The following NEK4 variants were observed in gnomAD, a reference collection of about 807,000 sequenced individuals.
The protein encoded by NEK4 is NIMA related kinase 4, also known as serine/threonine-protein kinase Nek4.
NEK4 carries 86 observed loss-of-function variants against 98.4 expected under a neutral mutation model. The observed-to-expected ratio is 0.87, with a 90% CI of 0.73 to 1.05. The LOEUF is 1.05. Among genes scored for constraint, NEK4 ranks in the 50% least tolerant of loss-of-function variants. NEK4 has a pLI of 0.00. For missense variants in NEK4, 898 were observed against 950.3 expected, an observed-to-expected ratio of 0.94 and a Z score of 0.72; for synonymous variants, 328 against 342.2, an observed-to-expected ratio of 0.96 and a Z score of 0.46.
chr3:52,741,633 C>A (rs962834337), intron 12 of NEK4, 134 bp from the exon 13 acceptor site: 1 of 529,190 alleles, frequency 1.9e-6, no homozygotes, highest in Non-Finnish European at 3.3e-6. Context: ...CTAACAAATA[C>A]AAAAATTGTT....
At chr3:52,761,855 C>T (rs964701680) in intron 5 of NEK4, among the ~76,000 whole-genome samples, 2 of 152,142 alleles carry the variant, frequency 1.3e-5, no homozygotes, top group African/African-American at 4.8e-5. Context: ...GAGAGTAAAA[C>T]TGATTGGTAC....
intron 15 of NEK4, among the ~76,000 whole-genome samples, chr3:52,717,680 T>C (rs1219839181): frequency 6.6e-6 from 1 of 152,108 alleles, no homozygotes; most frequent in South Asian, 2.1e-4. Flanking sequence ...ACCAAATCTC[T>C]TCCTAAATGA....
chr3:52,740,164 C>A (rs1386715364), intron 13 of NEK4, among the ~76,000 whole-genome samples: 1 of 152,020 alleles, frequency 6.6e-6, no homozygotes, highest in Non-Finnish European at 1.5e-5. Flanking sequence ...TCAAAAATAA[C>A]CAGATGGGCA....
chr3:52,734,487 A>G (rs967779418), intron 15 of NEK4, among the ~76,000 whole-genome samples: 8 of 148,474 alleles, frequency 5.4e-5, no homozygotes, highest in Non-Finnish European at 1.0e-4. Context: ...ATCCTGGCCA[A>G]CATGGTGAAA....
intron 15 of NEK4, among the ~76,000 whole-genome samples, chr3:52,735,950 A>C (rs76418710): frequency 0.04 from 6,031 of 152,312 alleles, 403 homozygotes; most frequent in African/African-American, 0.14. Context: ...TAAAAATTGG[A>C]ATCTAAAGTG....
intron 15 of NEK4, among the ~76,000 whole-genome samples, chr3:52,726,583 A>G (rs2097364787): frequency 7.0e-6 from 1 of 143,846 alleles, no homozygotes; most frequent in Non-Finnish European, 1.5e-5. Context: ...TGGGCAACAG[A>G]GCAAGACTCC....
chr3:52,761,439 C>T (rs373746013), intron 5 of NEK4, among the ~76,000 whole-genome samples: 70 of 152,114 alleles, frequency 4.6e-4, no homozygotes, highest in African/African-American at 1.5e-3. Flanking sequence ...CCACCACGCC[C>T]GGCTAATTTT....
At chr3:52,736,587 TAAAA>T (rs546567809) in intron 15 of NEK4, among the ~76,000 whole-genome samples, 3 of 119,140 alleles carry the variant, frequency 2.5e-5, no homozygotes, top group Non-Finnish European at 3.6e-5. Flanking sequence ...CTCCGTCTCA[TAAAA>T]AAAAAAAAAA....
chr3:52,712,588 C>T (rs999245270), intron 15 of NEK4, among the ~76,000 whole-genome samples: 1 of 152,218 alleles, frequency 6.6e-6, no homozygotes, highest in Non-Finnish European at 1.5e-5. Context: ...AATCAGATCA[C>T]ACGTGGGCTT....
At chr3:52,716,220 C>G (rs2097355044) in intron 15 of NEK4, among the ~76,000 whole-genome samples, 1 of 152,138 alleles carries the variant, frequency 6.6e-6, no homozygotes, top group Non-Finnish European at 1.5e-5. Flanking sequence ...AGGCCATGGA[C>G]AGAACAAGCC....
chr3:52,755,666 T>C (rs2097414016), intron 6 of NEK4, among the ~76,000 whole-genome samples: 1 of 151,444 alleles, frequency 6.6e-6, no homozygotes, highest in Admixed American at 6.6e-5. Context: ...TTCTAGTCAA[T>C]ATAGTACTAG....
Position 52,737,586 on chromosome 3 carries a change from C to T in NEK4, c.2433G>A (p.Glu811=), listed in dbSNP as rs752678988. The part of the protein sequence containing the change: ...LLEEEDEFDR[E]VRLREHMGEK... ...TTGATACAGTTAATGAGACACTCAC[C>T]TCTCTATCAAATTCATCCTCCTCCT... is the stretch of plus-strand genomic sequence containing the variant. Residue 811 remains glutamate (E), a splice_region_variant and synonymous_variant, in exon 15 of 16, where the codon GAG becomes GAA. Coordinates refer to ENST00000233027, the MANE Select transcript of NEK4 (RefSeq NM_003157.6). The T allele has an allele frequency of 2.5e-6, 4 of 1,613,518 alleles. No individual in the cohort carries two copies. Among genetic ancestry groups the T allele is most frequent in the Non-Finnish European group, 2.5e-6 (3 of 1,179,760 alleles).
In NEK4 at chr3:52,710,972, C is replaced by T. The variant is rs1356233843; in HGVS notation, c.*805G>A. 2.0e-5 allele frequency: 3 copies of T among 152,546 alleles called. No individual in the cohort carries two copies. Among genetic ancestry groups the T allele is most frequent in the Admixed American group, 6.6e-5 (1 of 15,262 alleles). 9.4% of individuals were successfully genotyped at this position (152,546 alleles called of 1,614,324 possible). A position where few individuals can be genotyped will look rare whatever the true frequency, so the allele number is the denominator to read the frequency against. ...GAAAGACAACTAATATCTTACAGTA[C>T]ATGAAGACAAACTTCAGGAGACAAA... On this transcript the variant is annotated 3_prime_UTR_variant, in exon 16 of 16. Coordinates refer to ENST00000233027, the MANE Select transcript of NEK4 (RefSeq NM_003157.6).
chr3:52,717,834 G>C (rs1026108628), intron 15 of NEK4, among the ~76,000 whole-genome samples: 5 of 151,958 alleles, frequency 3.3e-5, no homozygotes, highest in Non-Finnish European at 4.4e-5. Flanking sequence ...CTGTCATCCA[G>C]GCTGGAGTGC....
In NEK4 at chr3:52,739,589, A is replaced by G; in HGVS notation, c.2139T>C (p.Thr713=). The G allele has an allele frequency of 3.7e-6, 6 of 1,614,138 alleles. No homozygotes were observed. Among genetic ancestry groups the G allele is most frequent in the Non-Finnish European group, 5.1e-6 (6 of 1,180,022 alleles). ...NEINALVQLM[T]QTLKLDSKES... ...CTTTAGAATCCAGTTTCAGGGTCTGAGTCATCAATTGTACCAAGGCATTAA... is the reference window on the plus strand; with the variant it reads ...CTTTAGAATCCAGTTTCAGGGTCTGGGTCATCAATTGTACCAAGGCATTAA... Residue 713 remains threonine, a synonymous_variant, in exon 14 of 16, where the codon ACT becomes ACC. Transcript: ENST00000233027.
chr3:52,727,210 G>A (rs2097365399), intron 15 of NEK4, among the ~76,000 whole-genome samples: 1 of 152,072 alleles, frequency 6.6e-6, no homozygotes, highest in African/African-American at 2.4e-5. Flanking sequence ...CTGACCTTGG[G>A]TGATCCACCA....
chr3:52,756,002 A>G (rs921054158), intron 6 of NEK4, among the ~76,000 whole-genome samples: 27 of 152,240 alleles, frequency 1.8e-4, no homozygotes, highest in Admixed American at 9.2e-4. Flanking sequence ...GGACTTACAT[A>G]GTGAAATCTA....
chr3:52,719,171 A>C (rs914800065), intron 15 of NEK4, among the ~76,000 whole-genome samples: 1 of 152,208 alleles, frequency 6.6e-6, no homozygotes, highest in Non-Finnish European at 1.5e-5. Context: ...TTTATACCAG[A>C]CCTTGCTCTT....
Position 52,724,710 on chromosome 3 carries a change from G to C in NEK4, c.2434-12841C>G, listed in dbSNP as rs141556445. Among the ~76,000 whole-genome samples the C allele has an allele frequency of 5.5e-3, 832 of 152,300 alleles. 13 individuals are homozygous for C. In the South Asian group the frequency reaches 0.067, roughly 12 times the overall value. ...TGTTGGTCAAAGGGTACAAGGTTCA[G>C]TTATACAGCAGGAGTTAAGTATTTT... On this transcript the variant is annotated intron_variant, in intron 15 of 15. Coordinates refer to ENST00000233027, the MANE Select transcript of NEK4 (RefSeq NM_003157.6).
Sources: gnomAD v4.1 joint callset for allele counts (sites outside exome capture counted in the v4.1 genomes callset) on GRCh38, gnomAD v4.1.1 for gene constraint, MANE v1.5 for transcripts, NCBI Gene and HGNC (gene_info 2026-07-23, HGNC 2026-07-21) for gene names.